CD300LF: variants seen among roughly 807,000 people sequenced by gnomAD.
The protein encoded by CD300LF is CMRF35-like molecule 1.
A neutral mutation model predicts 32.2 loss-of-function variants in CD300LF; 27 were observed. The observed-to-expected ratio is 0.84, with a 90% CI of 0.62 to 1.15. CD300LF has a LOEUF of 1.15. CD300LF is among the 50% of genes most tolerant of loss of function. The pLI is 0.00. For missense variants in CD300LF, 348 were observed against 356.8 expected, an observed-to-expected ratio of 0.98 and a Z score of 0.20; for synonymous variants, 139 against 143.2, an observed-to-expected ratio of 0.97 and a Z score of 0.21.
intron 3 of CD300LF, among the ~76,000 whole-genome samples, 188 bp downstream of exon 3, chr17:74,702,847 G>A (rs1033312755): frequency 6.6e-6 from 1 of 152,246 alleles, no homozygotes; most frequent in Non-Finnish European, 1.5e-5. Flanking sequence ...GCAGAATGAA[G>A]GATCTGTGGA....
intron 1 of CD300LF, among the ~76,000 whole-genome samples, chr17:74,709,769 C>T (rs1363723359): frequency 6.6e-6 from 1 of 151,904 alleles, no homozygotes; most frequent in South Asian, 2.1e-4. Flanking sequence ...GACAAGGTCT[C>T]ACTTTGTTGC....
At chr17:74,709,778 GC>G (rs571828709) in intron 1 of CD300LF, among the ~76,000 whole-genome samples, 2 of 151,572 alleles carry the variant, frequency 1.3e-5, no homozygotes, top group Non-Finnish European at 2.9e-5. Flanking sequence ...TCACTTTGTT[GC>G]CCAAGCTGGT....
At chr17:74,704,401 A>T in intron 2 of CD300LF, 77 bp downstream of exon 2, 3 of 1,046,756 alleles carry the variant, frequency 2.9e-6, no homozygotes, top group Non-Finnish European at 2.8e-6. Flanking sequence ...GTGACAATTA[A>T]ATCACTTGAG....
chr17:74,710,425 G>A (rs1026008348), intron 1 of CD300LF, among the ~76,000 whole-genome samples: 8 of 152,142 alleles, frequency 5.3e-5, no homozygotes, highest in Non-Finnish European at 5.9e-5. Flanking sequence ...TAATAAACAT[G>A]TAAAAATCAA....
chr17:74,710,557 A>C (rs1184650458), intron 1 of CD300LF, among the ~76,000 whole-genome samples: 1 of 152,048 alleles, frequency 6.6e-6, no homozygotes, highest in Non-Finnish European at 1.5e-5. Flanking sequence ...ATAAAGACTT[A>C]TGGAAAAAAA....
At chr17:74,697,612 T>C (rs2032622970) in intron 4 of CD300LF, among the ~76,000 whole-genome samples, 1 of 152,058 alleles carries the variant, frequency 6.6e-6, no homozygotes, top group African/African-American at 2.4e-5. Context: ...CCAGCTGTTC[T>C]AGAAGAGAAA....
chr17:74,704,278 C>T (rs550100360), intron 2 of CD300LF, 200 bp downstream of exon 2: 200 of 588,400 alleles, frequency 3.4e-4, no homozygotes, highest in South Asian at 3.1e-3. Flanking sequence ...TTAATCCCGT[C>T]GTGGAGGGAG....
In CD300LF at chr17:74,706,283, AT is replaced by A. The variant is rs1267824163; in HGVS notation, c.44-1468del. ...AAAAACATTTTAAAGGAAAAAAAAA[AT>A]ATATATATATATATATCCCAAAGTG... is the stretch of plus-strand genomic sequence containing the variant. On this transcript the variant is annotated intron_variant, in intron 1 of 6. Transcript: ENST00000326165. 5.7e-3 allele frequency among the ~76,000 whole-genome samples: 738 copies of A among 129,984 alleles called. 6 individuals carry two copies. The highest frequency in any genetic ancestry group is 0.021 in the African/African-American group (652 of 30,682). 85.3% of individuals were successfully genotyped at this position (129,984 alleles called of 152,430 possible).
At position 74,694,946 on chromosome 17, in the gene CD300LF, A is replaced by G. The variant is rs1030378350; in HGVS notation, c.*150T>C. On this transcript the variant is annotated 3_prime_UTR_variant, in exon 7 of 7. Transcript: ENST00000326165. ...AGAAGCCCCCTGAGACTTGGCCCCA[A>G]GCCCAACCCAGAGCTAGGGGCAATG... is the stretch of plus-strand genomic sequence containing the variant. 4.6e-5 allele frequency: 39 copies of G among 845,916 alleles called. No homozygotes were observed. Among genetic ancestry groups the G allele is most frequent in the Non-Finnish European group, 6.4e-5 (36 of 561,958 alleles). The allele number at this position is 845,916 out of a possible 1,614,324, so 52.4% of individuals were successfully genotyped here.
At chr17:74,705,137 C>G (rs2033402425) in intron 1 of CD300LF, 2 of 680,936 alleles carry the variant, frequency 2.9e-6, no homozygotes, top group Non-Finnish European at 5.4e-6. Context: ...CCTTTTGCAG[C>G]CATCTTTGTG....
chr17:74,696,276 C>A, intron 4 of CD300LF, 59 bp from the exon 5 acceptor site: 1 of 1,551,718 alleles, frequency 6.4e-7, no homozygotes, highest in East Asian at 2.3e-5. Flanking sequence ...CACAAGAACC[C>A]CCAGGTCTAG....
intron 3 of CD300LF, among the ~76,000 whole-genome samples, chr17:74,699,623 T>C (rs2032852647): frequency 6.6e-6 from 1 of 152,124 alleles, no homozygotes; most frequent in Non-Finnish European, 1.5e-5. Context: ...AACAGAGGCA[T>C]GAGACAGACT....
chr17:74,712,870 C>A lies in CD300LF; in HGVS notation c.-4G>T. On this transcript the variant is annotated 5_prime_UTR_variant, in exon 1 of 7. Coordinates refer to ENST00000326165, the MANE Select transcript of CD300LF (RefSeq NM_139018.5). Reference sequence around the variant, plus strand: ...GGTAGAGTGTCAGCAGGGGCATCTTCTCTTCAGACAGGTCCCCGTTCCCCT... The same window carrying A: ...GGTAGAGTGTCAGCAGGGGCATCTTATCTTCAGACAGGTCCCCGTTCCCCT... 6.2e-7 allele frequency: 1 copy of A among 1,614,032 alleles called. No homozygotes were observed. The highest frequency in any genetic ancestry group is 8.5e-7 in the Non-Finnish European group (1 of 1,179,956).
At chr17:74,698,580 T>C in intron 3 of CD300LF, 99 bp from the exon 4 acceptor site, 1 of 1,521,960 alleles carries the variant, frequency 6.6e-7, no homozygotes, top group Admixed American at 2.0e-5. Context: ...ACACACCTGA[T>C]GAGCTGCAGG....
intron 3 of CD300LF, among the ~76,000 whole-genome samples, chr17:74,702,112 G>C (rs1015149588): frequency 6.6e-6 from 1 of 152,080 alleles, no homozygotes. Context: ...CAGGTGGTTA[G>C]AATACCGGGG....
intron 2 of CD300LF, among the ~76,000 whole-genome samples, chr17:74,704,079 C>A (rs1054999222): frequency 6.6e-6 from 1 of 152,150 alleles, no homozygotes; most frequent in Admixed American, 6.5e-5. Flanking sequence ...AGCTATGAAG[C>A]CCCAGCCCAG....
chr17:74,703,493 A>T (rs1380074861), intron 2 of CD300LF, among the ~76,000 whole-genome samples: 3 of 152,192 alleles, frequency 2.0e-5, no homozygotes, highest in Admixed American at 2.0e-4. Context: ...CAGCAAAAAC[A>T]GGAGCAGAGT....
At chr17:74,704,030 T>A (rs1040024098) in intron 2 of CD300LF, among the ~76,000 whole-genome samples, 12 of 152,198 alleles carry the variant, frequency 7.9e-5, no homozygotes, top group Non-Finnish European at 1.3e-4. Context: ...GAGCCTCTTT[T>A]TCCCCCAGGT....
chr17:74,704,432 C>A (rs757547956), intron 2 of CD300LF, 46 bp downstream of exon 2: 3 of 1,349,750 alleles, frequency 2.2e-6, no homozygotes, highest in Non-Finnish European at 3.1e-6. Context: ...GAGACCAGGA[C>A]AGAGCAGGCC....
Sources: gnomAD v4.1 joint callset for allele counts (sites outside exome capture counted in the v4.1 genomes callset) on GRCh38, gnomAD v4.1.1 for gene constraint, MANE v1.5 for transcripts, NCBI Gene and HGNC (gene_info 2026-07-23, HGNC 2026-07-21) for gene names.